KHDC1: variants seen among roughly 807,000 people sequenced by gnomAD.
KHDC1 encodes the protein KH homology domain-containing protein 1.
Under a neutral mutation model 24.7 loss-of-function variants are expected in KHDC1, and 21 were observed. The observed-to-expected ratio is 0.85, with a 90% CI of 0.60 to 1.23. KHDC1 has a LOEUF of 1.23. KHDC1 is among the 50% of genes most tolerant of loss of function. The pLI is 0.00. For missense variants in KHDC1, 274 were observed against 298.5 expected (o/e 0.92, Z 0.61); for synonymous variants, 98 against 111.7 (o/e 0.88, Z 0.77).
chr6:73,288,602 C>T (rs1767564856), intron 2 of KHDC1, among the ~76,000 whole-genome samples: 1 of 151,288 alleles, frequency 6.6e-6, no homozygotes, highest in Admixed American at 6.6e-5. Context: ...GCCTGGGTGA[C>T]AGAGTAAGAC....
chr6:73,248,859 T>C (rs1462026801), intron 2 of KHDC1, among the ~76,000 whole-genome samples: 1 of 151,992 alleles, frequency 6.6e-6, no homozygotes, highest in Admixed American at 6.6e-5. Flanking sequence ...ATGTCTGAAC[T>C]TCAAGGGATT....
At chr6:73,248,194 G>A (rs1481444548) in intron 2 of KHDC1, among the ~76,000 whole-genome samples, 1 of 152,198 alleles carries the variant, frequency 6.6e-6, no homozygotes, top group African/African-American at 2.4e-5. Context: ...CCTGAGGAGG[G>A]AGCCTGGGTG....
intron 2 of KHDC1, among the ~76,000 whole-genome samples, chr6:73,288,561 C>T (rs1441828039): frequency 2.6e-5 from 4 of 151,986 alleles, no homozygotes; most frequent in Admixed American, 6.6e-5. Flanking sequence ...GCAGAGGTTG[C>T]GGTGAGCTGA....
rs60179008 is a variant in KHDC1, at chr6:73,289,333, C to CAAAAAAAA, written c.206+2657_206+2664dup. On this transcript the variant is annotated intron_variant, in intron 2 of 4. Transcript: ENST00000370384. Reference sequence around the variant, plus strand: ...TGGGCGACAGAGTGAGACTCCATCTCAAAAAAAAAAAAAAAAAAAAAAAAA... The same window carrying CAAAAAAAA: ...TGGGCGACAGAGTGAGACTCCATCTCAAAAAAAAAAAAAAAAAAAAAAAAAAAAAAAAA... Among the ~76,000 whole-genome samples, 26 of 62,644 alleles carry CAAAAAAAA rather than the reference C, an allele frequency of 4.2e-4. 1 individual carries two copies. Among genetic ancestry groups the CAAAAAAAA allele is most frequent in the East Asian group, 6.0e-4 (1 of 1,680 alleles). 41.1% of individuals were successfully genotyped at this position (62,644 alleles called of 152,430 possible). A position where few individuals can be genotyped will look rare whatever the true frequency, so the allele number is the denominator to read the frequency against.
intron 2 of KHDC1, among the ~76,000 whole-genome samples, chr6:73,259,832 T>A (rs1185454145): frequency 1.3e-5 from 2 of 152,146 alleles, no homozygotes; most frequent in East Asian, 3.9e-4. Flanking sequence ...TTCAAGCTCT[T>A]TGTCTTTGTC....
At chr6:73,252,099 GTGGTGCAA>G (rs1280340028) in intron 2 of KHDC1, among the ~76,000 whole-genome samples, 1 of 150,278 alleles carries the variant, frequency 6.7e-6, no homozygotes, top group Non-Finnish European at 1.5e-5. Context: ...CTGGAGTGCA[GTGGTGCAA>G]TCAGGGCTCA....
chr6:73,292,946 G>A, intron 1 of KHDC1: 1 of 866,322 alleles, frequency 1.2e-6, no homozygotes, highest in Non-Finnish European at 1.9e-6. Flanking sequence ...CATTGACAAT[G>A]CCCATCTCTT....
chr6:73,298,332 A>G (rs1408278337), intron 1 of KHDC1, among the ~76,000 whole-genome samples: 2 of 151,706 alleles, frequency 1.3e-5, no homozygotes, highest in Non-Finnish European at 2.9e-5. Context: ...GCATTTCTCA[A>G]TCCCATTTTC....
rs570796785 is a variant in KHDC1, at chr6:73,306,058, C to T, written c.163+3494G>A. On this transcript the variant is annotated intron_variant, in intron 1 of 4. Transcript: ENST00000370384. Reference sequence around the variant, plus strand: ...ACATATGCATTTAGTGTTTTTATTGCGGAAATGTTAATTAGTAGTCATAAA... The same window carrying T: ...ACATATGCATTTAGTGTTTTTATTGTGGAAATGTTAATTAGTAGTCATAAA... 1.9e-4 allele frequency among the ~76,000 whole-genome samples: 29 copies of T among 152,172 alleles called. 1 individual carries two copies. Among genetic ancestry groups the T allele is most frequent in the African/African-American group, 6.7e-4 (28 of 41,508 alleles).
chr6:73,292,636 A>G (rs1582584083), intron 1 of KHDC1: 2 of 757,588 alleles, frequency 2.6e-6, no homozygotes, highest in Non-Finnish European at 4.9e-6. Context: ...CAATCACCCC[A>G]AAGGTTGTGA....
chr6:73,249,454 CAG>C (rs1766738554), intron 2 of KHDC1, among the ~76,000 whole-genome samples: 2 of 152,158 alleles, frequency 1.3e-5, no homozygotes, highest in Non-Finnish European at 2.9e-5. Flanking sequence ...ACCACAAATA[CAG>C]AGTCAGAGAT....
intron 2 of KHDC1, among the ~76,000 whole-genome samples, chr6:73,265,516 G>A (rs543720403): frequency 2.4e-3 from 304 of 126,874 alleles, no homozygotes; most frequent in Middle Eastern, 0.01. Context: ...GCAACTGAGC[G>A]AGACTCCGTC....
intron 2 of KHDC1, among the ~76,000 whole-genome samples, chr6:73,247,281 A>G (rs1766685582): frequency 6.6e-6 from 1 of 152,048 alleles, no homozygotes. Context: ...CCAGCCCAAC[A>G]TGTTTTAGAA....
intron 2 of KHDC1, among the ~76,000 whole-genome samples, chr6:73,282,640 C>T (rs1347631644): frequency 6.6e-6 from 1 of 152,146 alleles, no homozygotes. Flanking sequence ...CTAAACTGCT[C>T]TTAAGATCAG....
chr6:73,249,069 T>C (rs1202527790), intron 2 of KHDC1, among the ~76,000 whole-genome samples: 4 of 152,166 alleles, frequency 2.6e-5, no homozygotes, highest in African/African-American at 9.7e-5. Flanking sequence ...GTGTACATGT[T>C]GATAATCACT....
chr6:73,259,456 C>A (rs866258047), intron 2 of KHDC1, among the ~76,000 whole-genome samples: 1 of 152,034 alleles, frequency 6.6e-6, no homozygotes, highest in Non-Finnish European at 1.5e-5. Context: ...ACTACCACAC[C>A]TGGCTAAATC....
At position 73,293,217 on chromosome 6, in the gene KHDC1, T is replaced by A. The variant is rs1345432560; in HGVS notation, c.164-1177A>T. On this transcript the variant is annotated intron_variant, in intron 1 of 4. Coordinates refer to ENST00000370384, the Ensembl canonical transcript of KHDC1. The stretch of plus-strand genomic sequence containing the variant: ...TGGCCATGAATATTGAGAAGAAACT[T>A]AATGACAATAGCAGGTCAGAGGCTC... 7 of 681,476 alleles carry A rather than the reference T, an allele frequency of 1.0e-5. No individual in the cohort carries two copies. In the East Asian group the frequency reaches 2.2e-4, roughly 21 times the overall value. 42.2% of individuals were successfully genotyped at this position (681,476 alleles called of 1,614,324 possible).
At chr6:73,302,834 T>G (rs1767901233) in intron 1 of KHDC1, among the ~76,000 whole-genome samples, 1 of 152,162 alleles carries the variant, frequency 6.6e-6, no homozygotes, top group African/African-American at 2.4e-5. Context: ...CCCAGCACTT[T>G]GGGAGGCCGA....
intron 2 of KHDC1, among the ~76,000 whole-genome samples, chr6:73,245,344 T>A (rs902330086): frequency 1.2e-4 from 18 of 152,236 alleles, no homozygotes; most frequent in African/African-American, 3.6e-4. Context: ...TTAGAAGTCT[T>A]TTCCAAAAGA....
Sources: gnomAD v4.1 joint callset for allele counts (sites outside exome capture counted in the v4.1 genomes callset) on GRCh38, gnomAD v4.1.1 for gene constraint, MANE v1.5 for transcripts, NCBI Gene and HGNC (gene_info 2026-07-23, HGNC 2026-07-21) for gene names.